The following AMOTL1 variants were observed in gnomAD, a reference collection of about 807,000 sequenced individuals.
The protein encoded by AMOTL1 is angiomotin-like protein 1.
A neutral mutation model predicts 102.9 loss-of-function variants in AMOTL1; 45 were observed. The ratio of observed to expected loss-of-function variants is 0.44; its 90% CI spans 0.34 to 0.56. The LOEUF is 0.56. Among genes scored for constraint, AMOTL1 ranks in the 20% least tolerant of loss-of-function variants. The probability of loss-of-function intolerance (pLI) is 0.01; values close to 1 mark genes in which losing one functional copy is unlikely to be tolerated. For synonymous variants in AMOTL1, 481 were observed against 484.7 expected, an observed-to-expected ratio of 0.99 and a Z score of 0.10; for missense variants, 1,114 against 1,225.6, an observed-to-expected ratio of 0.91 and a Z score of 1.36.
intron 5 of AMOTL1, among the ~76,000 whole-genome samples, chr11:94,830,651 G>T (rs965424166): frequency 3.3e-5 from 5 of 152,072 alleles, no homozygotes; most frequent in African/African-American, 1.2e-4. Flanking sequence ...TTTTCCCCCT[G>T]GGGGGAAAAA....
intron 6 of AMOTL1, among the ~76,000 whole-genome samples, chr11:94,843,129 C>A (rs1206247604): frequency 6.6e-6 from 1 of 152,202 alleles, no homozygotes; most frequent in East Asian, 1.9e-4. Context: ...AAACCATCAG[C>A]AAATTTTAAA....
At chr11:94,804,534 T>C (rs1951535489) in intron 3 of AMOTL1, among the ~76,000 whole-genome samples, 1 of 152,204 alleles carries the variant, frequency 6.6e-6, no homozygotes, top group South Asian at 2.1e-4. Context: ...TCAAGCAGTC[T>C]ACTCACCTTG....
chr11:94,819,209 T>C (rs923277494), intron 3 of AMOTL1, among the ~76,000 whole-genome samples: 3 of 152,278 alleles, frequency 2.0e-5, no homozygotes, highest in African/African-American at 7.2e-5. Flanking sequence ...AAAATAAATC[T>C]CAGAACCCCG....
intron 11 of AMOTL1, among the ~76,000 whole-genome samples, chr11:94,867,473 C>T (rs1022000967): frequency 1.1e-4 from 16 of 152,270 alleles, no homozygotes; most frequent in Middle Eastern, 3.4e-3. Context: ...TGTCTGTGCC[C>T]GTATGCCCCA....
Position 94,870,674 on chromosome 11 carries a change from C to A in AMOTL1, c.2765-15C>A. The A allele has an allele frequency of 6.3e-7, 1 of 1,576,836 alleles. No individual in the cohort carries two copies. Among genetic ancestry groups the A allele is most frequent in the Non-Finnish European group, 8.6e-7 (1 of 1,158,968 alleles). ...CTGAGGAATGGGCAGCTGATGTTTC[C>A]CCTCTATTTGGCAGAGAACTCTCCT... On this transcript the variant is annotated splice_polypyrimidine_tract_variant and intron_variant, in intron 12 of 12. Transcript: ENST00000433060.
intron 3 of AMOTL1, among the ~76,000 whole-genome samples, chr11:94,818,936 A>G (rs117221297): frequency 8.6e-4 from 131 of 152,314 alleles, no homozygotes; most frequent in Middle Eastern, 6.8e-3. Context: ...CTGCCTATTG[A>G]TGTGTGGACT....
chr11:94,769,936 G>C (rs1950920236), intron 1 of AMOTL1, among the ~76,000 whole-genome samples: 1 of 152,140 alleles, frequency 6.6e-6, no homozygotes, highest in Non-Finnish European at 1.5e-5. Context: ...AAGCAGTAAC[G>C]TGCTAACCTG....
intron 1 of AMOTL1, among the ~76,000 whole-genome samples, chr11:94,774,145 C>T (rs140085797): frequency 1.1e-3 from 160 of 152,306 alleles, no homozygotes; most frequent in African/African-American, 3.5e-3. Flanking sequence ...TATAATGTTA[C>T]GTAAATTCGC....
chr11:94,874,445 T>A lies in AMOTL1; in HGVS notation c.*3650T>A, dbSNP rs1953060758. ...AGAGCAGGCAGTGGTGGAGCCCTTC[T>A]GGGTGCAGTCCTCTGGGGTTGCTCT... is the stretch of plus-strand genomic sequence containing the variant. On this transcript the variant is annotated 3_prime_UTR_variant, in exon 13 of 13. Coordinates refer to ENST00000433060, the MANE Select transcript of AMOTL1 (RefSeq NM_130847.3). 6.6e-6 allele frequency: 1 copy of A among 152,348 alleles called. No homozygotes were observed. Among genetic ancestry groups the A allele is most frequent in the Non-Finnish European group, 1.5e-5 (1 of 68,126 alleles). The allele number at this position is 152,348 out of a possible 1,614,324, so 9.4% of individuals were successfully genotyped here. A position where few individuals can be genotyped will look rare whatever the true frequency, so the allele number is the denominator to read the frequency against.
At chr11:94,859,086 C>T (rs543646977) in intron 8 of AMOTL1, among the ~76,000 whole-genome samples, 25 of 152,218 alleles carry the variant, frequency 1.6e-4, no homozygotes, top group Admixed American at 9.8e-4. Context: ...CCAGCCTTAG[C>T]GGAAACAAAC....
At chr11:94,821,365 G>A (rs36019978) in intron 3 of AMOTL1, among the ~76,000 whole-genome samples, 165 bp from the exon 4 acceptor site, 306 of 152,282 alleles carry the variant, frequency 2.0e-3, no homozygotes, top group Non-Finnish European at 3.7e-3. Flanking sequence ...CCCAATAGCC[G>A]GAATGGTGCC....
chr11:94,719,047 A>G (rs1352691601), intron 1 of AMOTL1, among the ~76,000 whole-genome samples: 1 of 151,974 alleles, frequency 6.6e-6, no homozygotes, highest in East Asian at 1.9e-4. Context: ...TATGCTGTGA[A>G]TAGGAATCCA....
chr11:94,864,054 C>T lies in AMOTL1; in HGVS notation c.2136-681C>T, dbSNP rs535170717. ...CAGAATACAACATGAAGGAAGACTT[C>T]AGCTTGGAGCCTCACTCTCTGAGAG... On this transcript the variant is annotated intron_variant, in intron 9 of 12. Coordinates refer to ENST00000433060, the MANE Select transcript of AMOTL1 (RefSeq NM_130847.3). 1.5e-3 allele frequency among the ~76,000 whole-genome samples: 234 copies of T among 152,284 alleles called. 2 individuals carry two copies. Among genetic ancestry groups the T allele is most frequent in the African/African-American group, 5.5e-3 (227 of 41,556 alleles).
chr11:94,787,238 T>C (rs1951204594), intron 1 of AMOTL1, among the ~76,000 whole-genome samples: 2 of 152,078 alleles, frequency 1.3e-5, no homozygotes, highest in Non-Finnish European at 2.9e-5. Context: ...TATTTTAGCA[T>C]TTAGTATGTG....
intron 2 of AMOTL1, among the ~76,000 whole-genome samples, chr11:94,731,083 G>A (rs1478700571): frequency 6.6e-6 from 1 of 152,110 alleles, no homozygotes; most frequent in African/African-American, 2.4e-5. Flanking sequence ...GCAATCTTTG[G>A]GGCAAGGCTG....
chr11:94,801,870 G>A (rs908971861), intron 3 of AMOTL1, among the ~76,000 whole-genome samples: 3 of 152,180 alleles, frequency 2.0e-5, no homozygotes, highest in African/African-American at 7.2e-5. Flanking sequence ...TGTGGCCACT[G>A]CCTATTATTG....
In AMOTL1 at chr11:94,788,499, C is replaced by T. The variant is rs1281066198; in HGVS notation, c.50-6512C>T. 5.9e-5 allele frequency among the ~76,000 whole-genome samples: 9 copies of T among 152,284 alleles called. No individual in the cohort carries two copies. The South Asian group carries it at 6.2e-4, about 11-fold the overall frequency. On this transcript the variant is annotated intron_variant, in intron 1 of 12. Coordinates refer to ENST00000433060, the MANE Select transcript of AMOTL1 (RefSeq NM_130847.3). ...ATTAACATCCTCCTCATTTTCCCTCCGGTTCAATTTCAGCCCACATATCTC... is the reference window on the plus strand; with the variant it reads ...ATTAACATCCTCCTCATTTTCCCTCTGGTTCAATTTCAGCCCACATATCTC...
At chr11:94,835,045 A>G (rs11020958) in intron 6 of AMOTL1, among the ~76,000 whole-genome samples, 35,942 of 152,176 alleles carry the variant, frequency 0.24, 4,821 homozygotes, top group Admixed American at 0.42. Flanking sequence ...AAAATCTTGA[A>G]GAATTAAGTG....
At chr11:94,849,114 A>C (rs1226218670) in intron 6 of AMOTL1, among the ~76,000 whole-genome samples, 1 of 152,196 alleles carries the variant, frequency 6.6e-6, no homozygotes, top group Admixed American at 6.5e-5. Context: ...TTCTATAAAT[A>C]TGGAGTAGTA....
Sources: allele counts gnomAD v4.1 joint callset (sites outside exome capture counted in the v4.1 genomes callset), GRCh38; gene constraint gnomAD v4.1.1; transcripts MANE v1.5; gene names NCBI Gene and HGNC (gene_info 2026-07-23, HGNC 2026-07-21).